Variants in GABRB3 observed in about 807,000 individuals in gnomAD.
GABRB3 encodes gamma-aminobutyric acid type A receptor subunit beta3.
A neutral mutation model predicts 52.1 loss-of-function variants in GABRB3; 14 were observed. The observed-to-expected ratio is 0.27, with a 90% confidence interval of 0.18 to 0.42. The LOEUF is 0.42. Ranked by LOEUF, GABRB3 falls within the 10% of genes least tolerant of loss-of-function variation. The pLI is 1.00. For missense variants in GABRB3, 307 were observed against 609.1 expected, an observed-to-expected ratio of 0.50 and a Z score of 5.22; for synonymous variants, 260 against 232.3, an observed-to-expected ratio of 1.12 and a Z score of -1.08.
chr15:26,727,292 T>C (rs1205036543), intron 3 of GABRB3, among the ~76,000 whole-genome samples: 1 of 152,238 alleles, frequency 6.6e-6, no homozygotes, highest in African/African-American at 2.4e-5. Context: ...GACATGTCCC[T>C]CCTTCCTTAG....
intron 3 of GABRB3, among the ~76,000 whole-genome samples, chr15:26,623,077 T>C (rs184139702): frequency 2.0e-5 from 3 of 152,144 alleles, no homozygotes; most frequent in African/African-American, 7.2e-5. Flanking sequence ...CCACCACCAA[T>C]TAAAGATTCT....
At chr15:26,771,093 G>T (rs902608523) in intron 3 of GABRB3, among the ~76,000 whole-genome samples, 3 of 152,102 alleles carry the variant, frequency 2.0e-5, no homozygotes, top group Non-Finnish European at 2.9e-5. Context: ...AGAACAGCTT[G>T]GCGTGGTCAA....
chr15:26,550,665 T>C (rs1400256314), intron 8 of GABRB3, among the ~76,000 whole-genome samples: 1 of 152,042 alleles, frequency 6.6e-6, no homozygotes, highest in African/African-American at 2.4e-5. Context: ...GGGAGCTGTA[T>C]TTGACCAAGC....
At chr15:26,656,155 C>T (rs2140600372) in intron 3 of GABRB3, among the ~76,000 whole-genome samples, 1 of 152,252 alleles carries the variant, frequency 6.6e-6, no homozygotes, top group Middle Eastern at 3.4e-3. Flanking sequence ...GTACAGGTGA[C>T]AGTCCCGAGC....
intron 3 of GABRB3, among the ~76,000 whole-genome samples, chr15:26,760,469 T>A (rs78569762): frequency 6.6e-6 from 1 of 152,172 alleles, no homozygotes; most frequent in Non-Finnish European, 1.5e-5. Flanking sequence ...CTAAACCCTC[T>A]ATGTTCTCTA....
rs1892494076 is a variant in GABRB3 at position 26,621,785 on chromosome 15, TAGAC to T, written c.241-255_241-252del. On this transcript the variant is annotated intron_variant, in intron 3 of 8. Coordinates refer to ENST00000311550, the MANE Select transcript of GABRB3 (RefSeq NM_000814.6). This position sits in a 1 kb window ranked among gnomAD's most constrained non-coding sequence, Gnocchi z 4.1. The stretch of plus-strand genomic sequence containing the variant: ...GTTTTACTTAGGTTAAGAAGCAGAC[TAGAC>T]AAACTGGCATTTAACAGATAACAGC... 6.6e-6 allele frequency among the ~76,000 whole-genome samples: 1 copy of T among 152,170 alleles called. No individual in the cohort carries two copies. The highest frequency in any genetic ancestry group is 1.5e-5 in the Non-Finnish European group (1 of 68,038).
At chr15:26,670,223 G>A (rs1234055452) in intron 3 of GABRB3, among the ~76,000 whole-genome samples, 2 of 152,220 alleles carry the variant, frequency 1.3e-5, no homozygotes, top group Non-Finnish European at 2.9e-5. Flanking sequence ...CGGGAGGGAG[G>A]CCAGGCAGAG....
At chr15:26,661,863 T>C (rs1000709857) in intron 3 of GABRB3, among the ~76,000 whole-genome samples, 1 of 152,078 alleles carries the variant, frequency 6.6e-6, no homozygotes, top group African/African-American at 2.4e-5. Context: ...AGGAAGGAAT[T>C]TGGCTATGTG....
chr15:26,629,208 A>G (rs1421619809), intron 3 of GABRB3: 3 of 1,442,470 alleles, frequency 2.1e-6, no homozygotes, highest in Non-Finnish European at 2.7e-6. Context: ...AGCGGCGGCA[A>G]TCAGGGGCGG....
intron 3 of GABRB3, among the ~76,000 whole-genome samples, chr15:26,727,993 G>C (rs890680325): frequency 1.1e-4 from 16 of 152,118 alleles, no homozygotes; most frequent in Non-Finnish European, 1.8e-4. Flanking sequence ...TACAATACTT[G>C]AGAGGAGCTG....
At chr15:26,566,901 T>TTC (rs1211290615) in intron 7 of GABRB3, among the ~76,000 whole-genome samples, 1 of 152,338 alleles carries the variant, frequency 6.6e-6, no homozygotes, top group South Asian at 2.1e-4. Context: ...AAGGGATGGA[T>TTC]TGCAGATTGC....
intron 4 of GABRB3, chr15:26,590,132 G>C (rs1321499676): frequency 6.6e-6 from 1 of 152,052 alleles, no homozygotes; most frequent in African/African-American, 2.4e-5. Context: ...CTTACCTGCA[G>C]AATTCAATCC....
chr15:26,567,512 T>C, intron 7 of GABRB3, 69 bp downstream of exon 7: 1 of 1,508,266 alleles, frequency 6.6e-7, no homozygotes, highest in African/African-American at 1.4e-5. Flanking sequence ...ACTACAGCCT[T>C]TGAACTCTCT....
At chr15:26,554,144 G>GTACATATATATATATATAAAGTA (rs1889626223) in intron 8 of GABRB3, among the ~76,000 whole-genome samples, 2 of 32,302 alleles carry the variant, frequency 6.2e-5, no homozygotes, top group Non-Finnish European at 1.2e-4. Context: ...TATATATAAA[G>GTACATATATATATATATAAAGTA]TATATATATA....
At chr15:26,761,896 G>A (rs975010751) in intron 3 of GABRB3, among the ~76,000 whole-genome samples, 17 of 152,126 alleles carry the variant, frequency 1.1e-4, no homozygotes, top group African/African-American at 3.9e-4. Flanking sequence ...GTGCAGTGGC[G>A]CGATCTCAGT....
At chr15:26,583,509 C>A in intron 4 of GABRB3, 95 bp from the exon 5 acceptor site, 3 of 962,314 alleles carry the variant, frequency 3.1e-6, no homozygotes, top group Non-Finnish European at 5.0e-6. Context: ...CCTGTGGGAA[C>A]CCTGCCCAAA....
intron 6 of GABRB3, among the ~76,000 whole-genome samples, chr15:26,578,096 CT>C (rs1187466929): frequency 6.6e-6 from 1 of 152,176 alleles, no homozygotes; most frequent in African/African-American, 2.4e-5. Context: ...CTCTAATCCC[CT>C]TTTTCGGGAA....
intron 3 of GABRB3, among the ~76,000 whole-genome samples, chr15:26,745,478 C>G (rs1032930362): frequency 6.6e-6 from 1 of 152,088 alleles, no homozygotes; most frequent in Admixed American, 6.5e-5. Context: ...TTCATGCACT[C>G]GTGGGTGTGT....
At chr15:26,735,643 A>T (rs998611973) in intron 3 of GABRB3, among the ~76,000 whole-genome samples, 2 of 152,202 alleles carry the variant, frequency 1.3e-5, no homozygotes, top group African/African-American at 4.8e-5. Context: ...TGAGGCCATT[A>T]TTCTAAGTGA....
Sources: allele counts gnomAD v4.1 joint callset (sites outside exome capture counted in the v4.1 genomes callset), GRCh38; gene constraint gnomAD v4.1.1; non-coding constraint Gnocchi (gnomAD v3.1); transcripts MANE v1.5; gene names NCBI Gene and HGNC (gene_info 2026-07-23, HGNC 2026-07-21).